Variants in SYN3 observed in about 807,000 individuals in gnomAD.
The protein encoded by SYN3 is synapsin-3.
A neutral mutation model predicts 65.8 loss-of-function variants in SYN3; 35 were observed. The observed-to-expected ratio is 0.53, with a 90% CI of 0.41 to 0.70. SYN3 has a LOEUF of 0.70. Among genes scored for constraint, SYN3 ranks in the 30% least tolerant of loss-of-function variants. The probability of loss-of-function intolerance (pLI) is 0.00; values close to 1 mark genes in which losing one functional copy is unlikely to be tolerated. For synonymous variants in SYN3, 270 were observed against 292.9 expected (o/e 0.92, Z 0.80); for missense variants, 680 against 749.0 (o/e 0.91, Z 1.08).
chr22:32,541,644 T>C lies in SYN3; in HGVS notation c.844A>G (p.Thr282Ala). The C allele has an allele frequency of 6.2e-7, 1 of 1,614,128 alleles. No individual in the cohort carries two copies. The highest frequency in any genetic ancestry group is 1.7e-5 in the Admixed American group (1 of 60,010). The part of the protein sequence containing the change: ...SVVAMAKTYA[T>A]TEAFIDSKYD... ...TTGGAGTCGATGAAGGCCTCGGTGGTGGCGTAGGTTTTGGCCATGGCGACC... is the reference window on the plus strand; with the variant it reads ...TTGGAGTCGATGAAGGCCTCGGTGGCGGCGTAGGTTTTGGCCATGGCGACC... The change falls in exon 8 of 14, where the codon ACC becomes GCC. Residue 282 changes from threonine to alanine, a missense_variant. Transcript: ENST00000358763.
chr22:32,772,264 CTTTTTT>C (rs11398597), intron 6 of SYN3, among the ~76,000 whole-genome samples: 1 of 135,984 alleles, frequency 7.4e-6, no homozygotes, highest in Non-Finnish European at 1.6e-5. Context: ...TTTTTCTTTT[CTTTTTT>C]TTTTTTTTCA....
intron 6 of SYN3, among the ~76,000 whole-genome samples, chr22:32,830,014 C>T (rs940628981): frequency 7.2e-5 from 11 of 152,332 alleles, no homozygotes; most frequent in South Asian, 4.1e-4. Context: ...CAATGTCCCT[C>T]GCTTCAACCT....
chr22:32,847,786 A>G (rs1482348987), intron 6 of SYN3, among the ~76,000 whole-genome samples: 1 of 152,222 alleles, frequency 6.6e-6, no homozygotes, highest in Non-Finnish European at 1.5e-5. Flanking sequence ...GCAACTTGAG[A>G]TAAGAAAGAT....
At chr22:32,977,851 C>G (rs931105526) in intron 3 of SYN3, among the ~76,000 whole-genome samples, 2 of 151,882 alleles carry the variant, frequency 1.3e-5, no homozygotes, top group African/African-American at 4.8e-5. Context: ...TCCTTCAGTT[C>G]TCTTTTGTGC....
chr22:32,984,603 G>C (rs2052470682), intron 2 of SYN3, among the ~76,000 whole-genome samples: 1 of 152,112 alleles, frequency 6.6e-6, no homozygotes, highest in African/African-American at 2.4e-5. Flanking sequence ...CATGGCCTAA[G>C]AGTGCAATTT....
chr22:32,598,093 A>G (rs2059228565), intron 6 of SYN3, among the ~76,000 whole-genome samples: 1 of 152,122 alleles, frequency 6.6e-6, no homozygotes, highest in Admixed American at 6.5e-5. Flanking sequence ...CATGTGGACC[A>G]TTCCCAACTG....
chr22:32,633,296 G>A (rs1215134928), intron 6 of SYN3, among the ~76,000 whole-genome samples: 1 of 152,116 alleles, frequency 6.6e-6, no homozygotes, highest in Non-Finnish European at 1.5e-5. Flanking sequence ...TTTTTGAGCG[G>A]AGCAAACAGA....
intron 4 of SYN3, among the ~76,000 whole-genome samples, chr22:32,890,019 A>T (rs2049398015): frequency 6.7e-6 from 1 of 150,286 alleles, no homozygotes; most frequent in Non-Finnish European, 1.5e-5. Context: ...ATCCTAAAAA[A>T]AAATTTCGTG....
chr22:32,649,431 G>A (rs1047192446), intron 6 of SYN3, among the ~76,000 whole-genome samples: 8 of 152,172 alleles, frequency 5.3e-5, no homozygotes, highest in Admixed American at 2.6e-4. Flanking sequence ...TTTTCGTATA[G>A]TCTATTTAAT....
In SYN3 at chr22:32,513,501, A is replaced by G. The variant is rs2057718570; in HGVS notation, c.*191T>C. 1 of 729,974 alleles carries G rather than the reference A, an allele frequency of 1.4e-6. No individual in the cohort carries two copies. Among genetic ancestry groups the G allele is most frequent in the African/African-American group, 1.8e-5 (1 of 56,670 alleles). The allele number at this position is 729,974 out of a possible 1,614,324, so 45.2% of individuals were successfully genotyped here. On this transcript the variant is annotated 3_prime_UTR_variant, in exon 14 of 14. Transcript: ENST00000358763. ...TCAAAGGCCCACCTCACAGTCAGAC[A>G]ATGCTGGAATGTCACGGTGAAGGAA...
chr22:32,803,697 G>A (rs1018790954), intron 6 of SYN3, among the ~76,000 whole-genome samples: 3 of 152,206 alleles, frequency 2.0e-5, no homozygotes, highest in Non-Finnish European at 4.4e-5. Flanking sequence ...GATTAGTGTG[G>A]GGAGTTGCTG....
At chr22:32,538,499 G>A (rs1452039698) in intron 8 of SYN3, among the ~76,000 whole-genome samples, 1 of 151,970 alleles carries the variant, frequency 6.6e-6, no homozygotes, top group East Asian at 1.9e-4. Context: ...GATCCTTAGA[G>A]AGAAGTGACT....
intron 1 of SYN3, among the ~76,000 whole-genome samples, chr22:33,017,988 G>T (rs1167912828): frequency 1.3e-5 from 2 of 152,164 alleles, no homozygotes; most frequent in African/African-American, 4.8e-5. Flanking sequence ...TCTTGTAAGA[G>T]AATGTTTAGA....
chr22:32,659,248 TG>T (rs1263646964), intron 6 of SYN3, among the ~76,000 whole-genome samples: 1 of 152,068 alleles, frequency 6.6e-6, no homozygotes, highest in East Asian at 1.9e-4. Flanking sequence ...GAGCCATTGA[TG>T]GTCTAAGCAG....
In SYN3 at chr22:32,783,071, A is replaced by C. The variant is rs560884410; in HGVS notation, c.711+81844T>G. ...CTGGGGAAGCCAGGTACTTAATCTT[A>C]GTCCACAGCAGAGAACTAAGCTCAA... On this transcript the variant is annotated intron_variant, in intron 6 of 13. Coordinates refer to ENST00000358763, the MANE Select transcript of SYN3 (RefSeq NM_003490.4). 5 of 152,324 alleles carry C rather than the reference A, an allele frequency of 3.3e-5. No homozygotes were observed. In the South Asian group the frequency reaches 1.0e-3, roughly 32 times the overall value. 9.4% of individuals were successfully genotyped at this position (152,324 alleles called of 1,614,324 possible).
At chr22:32,631,309 CAAAAA>C (rs10606436) in intron 6 of SYN3, among the ~76,000 whole-genome samples, 1 of 133,876 alleles carries the variant, frequency 7.5e-6, no homozygotes. Flanking sequence ...ACGAAACAAG[CAAAAA>C]AAAAAAAAAA....
chr22:32,560,019 T>A (rs927553028), intron 7 of SYN3, among the ~76,000 whole-genome samples: 2 of 152,184 alleles, frequency 1.3e-5, no homozygotes, highest in African/African-American at 2.4e-5. Context: ...ACGCCTCCAG[T>A]GAGCATGCGC....
chr22:32,603,934 C>T (rs2059325410), intron 6 of SYN3, among the ~76,000 whole-genome samples: 1 of 152,124 alleles, frequency 6.6e-6, no homozygotes, highest in Non-Finnish European at 1.5e-5. Flanking sequence ...ACAGAGATCC[C>T]CACCCAGATA....
intron 6 of SYN3, among the ~76,000 whole-genome samples, chr22:32,768,258 ATAAC>A (rs1225223706): frequency 4.6e-5 from 7 of 152,122 alleles, no homozygotes; most frequent in Admixed American, 4.6e-4. Flanking sequence ...GTCTCCCTGA[ATAAC>A]TTTATACTCC....
Sources: gnomAD v4.1 joint callset for allele counts (sites outside exome capture counted in the v4.1 genomes callset) on GRCh38, gnomAD v4.1.1 for gene constraint, MANE v1.5 for transcripts, NCBI Gene and HGNC (gene_info 2026-07-23, HGNC 2026-07-21) for gene names.